The following PTCH2 variants were observed in gnomAD, a reference collection of about 807,000 sequenced individuals.
The protein encoded by PTCH2 is protein patched homolog 2.
A neutral mutation model predicts 117.9 loss-of-function variants in PTCH2; 96 were observed. That is an observed-to-expected ratio of 0.81 (90% CI 0.69 to 0.96). The LOEUF is 0.96. PTCH2 is among the 50% of genes least tolerant of loss of function. PTCH2 has a pLI of 0.00. For synonymous variants in PTCH2, 615 were observed against 660.9 expected (o/e 0.93, Z 1.06); for missense variants, 1,379 against 1,562.5 (o/e 0.88, Z 1.98).
rs200815526 is a variant in PTCH2, at chr1:44,828,607, G to A, written c.1489C>T (p.Arg497Cys). ...LQERMGECLQRTGTSVVLTSI... is the reference protein window; with the variant it reads ...LQERMGECLQCTGTSVVLTSI... Reference sequence around the variant, plus strand: ...GTGAGTACGACACTGGTGCCCGTGCGCTGCAGACACTCGCCCATGCGCTCC... The same window carrying A: ...GTGAGTACGACACTGGTGCCCGTGCACTGCAGACACTCGCCCATGCGCTCC... Residue 497 changes from arginine (R) to cysteine (C), a missense_variant, in exon 12 of 22, where the codon CGC becomes TGC. Arg to Cys is a radical substitution (Grantham distance 180, BLOSUM62 -3). Transcript: ENST00000372192. 30 of 1,613,368 alleles carry A rather than the reference G, an allele frequency of 1.9e-5. No homozygotes were observed. The highest frequency in any genetic ancestry group is 2.3e-5 in the Non-Finnish European group (27 of 1,179,732).
At chr1:44,837,045 A>C (rs1653721151) in intron 2 of PTCH2, among the ~76,000 whole-genome samples, 1 of 152,252 alleles carries the variant, frequency 6.6e-6, no homozygotes, top group African/African-American at 2.4e-5. Flanking sequence ...GTCTGAGGAC[A>C]AAAGTCCAGA....
At position 44,823,173 on chromosome 1, in the gene PTCH2, G is replaced by A. The variant is rs2148871771; in HGVS notation, c.3258-5C>T. On this transcript the variant is annotated splice_polypyrimidine_tract_variant and splice_region_variant and intron_variant, in intron 20 of 21. Coordinates refer to ENST00000372192, the MANE Select transcript of PTCH2 (RefSeq NM_003738.5). The surrounding 1 kb of genome is among the most constrained non-coding windows in gnomAD (Gnocchi z 5.1). ...GTCAGCGCCGCAAAGAAGTACCTAG[G>A]GGTAGGGTGTGGGGGGAGTCAGCCC... 6.2e-7 allele frequency: 1 copy of A among 1,614,146 alleles called. No individual in the cohort carries two copies. Among genetic ancestry groups the A allele is most frequent in the Non-Finnish European group, 8.5e-7 (1 of 1,180,002 alleles).
Position 44,830,016 on chromosome 1 carries a change from A to G in PTCH2, c.828T>C (p.Ala276=). 6.2e-7 allele frequency: 1 copy of G among 1,614,104 alleles called. No individual in the cohort carries two copies. Among genetic ancestry groups the G allele is most frequent in the Non-Finnish European group, 8.5e-7 (1 of 1,179,996 alleles). The stretch of plus-strand genomic sequence containing the variant: ...CATGGCAGCCCCCACTCAGCTCGTG[A>G]GCCACATTGGGAGCCTGGAGGGGAA... The part of the protein sequence containing the change: ...NHHSRQAPNV[A]HELSGGCHGF... The change falls in exon 7 of 22, where the codon GCT becomes GCC. Residue 276 remains alanine, a synonymous_variant. Transcript: ENST00000372192.
At chr1:44,835,231 AT>A (rs573841151) in intron 2 of PTCH2, among the ~76,000 whole-genome samples, 1 of 151,904 alleles carries the variant, frequency 6.6e-6, no homozygotes, top group Non-Finnish European at 1.5e-5. Flanking sequence ...TAATGTTTGT[AT>A]TTTTTGTAGA....
rs774053843 is a variant in PTCH2 at position 44,831,964 on chromosome 1, A to G, written c.525+11T>C. The G allele has an allele frequency of 1.2e-6, 2 of 1,607,664 alleles. No individual in the cohort carries two copies. Among genetic ancestry groups the G allele is most frequent in the East Asian group, 4.5e-5 (2 of 44,838 alleles). On this transcript the variant is annotated intron_variant, in intron 4 of 21. Transcript: ENST00000372192. The surrounding 1 kb of genome is among the most constrained non-coding windows in gnomAD (Gnocchi z 4.3). Reference sequence around the variant, plus strand: ...AAAAGTTCTGCCTCTACTCCCTCTCAGGACACTTACCCGCTCAATCATTCC... The same window carrying G: ...AAAAGTTCTGCCTCTACTCCCTCTCGGGACACTTACCCGCTCAATCATTCC...
Position 44,830,845 on chromosome 1 carries a change from C to T in PTCH2, c.813+3G>A. On this transcript the variant is annotated splice_donor_region_variant and intron_variant, in intron 6 of 21. Transcript: ENST00000372192. ...TTCCCTGGCAGACCTGGTTGGAACC[C>T]ACCTGCCTGCTGTGATGGTTGGGGG... 1 of 1,544,558 alleles carries T rather than the reference C, an allele frequency of 6.5e-7. No individual in the cohort carries two copies. Among genetic ancestry groups the T allele is most frequent in the Non-Finnish European group, 8.8e-7 (1 of 1,138,726 alleles).
chr1:44,822,436 TC>T lies in PTCH2; in HGVS notation c.3590del (p.Gly1197AspfsTer57), dbSNP rs773730257. ...ATSSGNLSSR[G>X]PGPATG is the part of the protein sequence containing the mutation. ...TCTTTCACCCAGTGGCTGGACCTGG[TC>T]CCCTGGAACTGAGGTTGCCAGAGCT... is the stretch of plus-strand genomic sequence containing the variant. On this transcript the variant is annotated frameshift_variant, in exon 22 of 22. Transcript: ENST00000372192. LOFTEE classifies it high-confidence loss of function. 27 of 1,613,636 alleles carry T rather than the reference TC, an allele frequency of 1.7e-5. No individual in the cohort carries two copies. In the South Asian group the frequency reaches 2.7e-4, roughly 16 times the overall value.
At chr1:44,836,106 T>C (rs1653674926) in intron 2 of PTCH2, among the ~76,000 whole-genome samples, 1 of 152,150 alleles carries the variant, frequency 6.6e-6, no homozygotes, top group Non-Finnish European at 1.5e-5. Context: ...CTGATTTCCG[T>C]GGCCGTCATC....
Position 44,827,354 on chromosome 1 carries a change from G to A in PTCH2, c.2372-45C>T, listed in dbSNP as rs373803652. ...GGTTCTATTAGCTGGTGGCCCCAGG[G>A]CGTTTCTCCCTGCAGCACCCCTCCC... On this transcript the variant is annotated intron_variant, in intron 15 of 21. Transcript: ENST00000372192. The A allele has an allele frequency of 2.1e-4, 345 of 1,613,514 alleles. 1 individual carries two copies. Among genetic ancestry groups the A allele is most frequent in the Non-Finnish European group, 2.9e-4 (338 of 1,179,974 alleles).
Position 44,829,959 on chromosome 1 carries a change from C to T in PTCH2, c.885G>A (p.Glu295=), listed in dbSNP as rs142493414. The change falls in exon 7 of 22, where the codon GAG becomes GAA. Residue 295 remains glutamate, a synonymous_variant. Coordinates refer to ENST00000372192, the MANE Select transcript of PTCH2 (RefSeq NM_003738.5). The part of the protein sequence containing the change: ...GFSHKFMHWQ[E]ELLLGGMARD... ...TGGCCATGCCTCCCAGCAGCAATTC[C>T]TCCTGCCAGTGCATGAATTTGTGGG... 3.1e-6 allele frequency: 5 copies of T among 1,614,040 alleles called. No individual in the cohort carries two copies. The African/African-American group carries it at 6.7e-5, about 22-fold the overall frequency.
Position 44,829,016 on chromosome 1 carries a change from G to A in PTCH2, c.1430C>T (p.Ala477Val). The stretch of plus-strand genomic sequence containing the variant: ...GGTGCCAGGCAGAGCCTCTGTGAAG[G>A]CATGCGCCAGCAGGAATACGTCATC... ...GVDDVFLLAH[A>V]FTEALPGTPL... The change falls in exon 11 of 22, where the codon GCC becomes GTC. Residue 477 changes from alanine to valine, a missense_variant. Physicochemically the swap from Ala to Val is moderately conservative, Grantham distance 64. Coordinates refer to ENST00000372192, the MANE Select transcript of PTCH2 (RefSeq NM_003738.5). 6.4e-7 allele frequency: 1 copy of A among 1,574,100 alleles called. No homozygotes were observed.
At position 44,829,643 on chromosome 1, in the gene PTCH2, G is replaced by A. The variant is rs200855030; in HGVS notation, c.1054C>T (p.Leu352=). 76 of 1,614,230 alleles carry A rather than the reference G, an allele frequency of 4.7e-5. No individual in the cohort carries two copies. The Admixed American group carries it at 1.2e-3, about 27-fold the overall frequency. ...GWSEEQASTV[L]QAWQRRFVQL... ...ACAAAGCGCCGCTGCCAGGCTTGTA[G>A]CACTGTGCTGGCCTGCTCCTCACTC... Residue 352 remains leucine, a synonymous_variant, in exon 8 of 22, where the codon CTA becomes TTA. Coordinates refer to ENST00000372192, the MANE Select transcript of PTCH2 (RefSeq NM_003738.5).
In PTCH2 at chr1:44,827,183, G is replaced by A. The variant is rs2148874951; in HGVS notation, c.2498C>T (p.Pro833Leu). ...TCTCCCAACCTGGCTGAAATCCAGA[G>A]GCTCCTGGGCGTCTCCAGTCTGGAT... ...LLIQTGDAQEPLDFSQLTTRK... is the reference protein window; with the variant it reads ...LLIQTGDAQELLDFSQLTTRK... Residue 833 changes from proline to leucine, a missense_variant, in exon 16 of 22, where the codon CCT (proline) becomes CTT (leucine). Transcript: ENST00000372192. 6.2e-7 allele frequency: 1 copy of A among 1,614,062 alleles called. No homozygotes were observed. Among genetic ancestry groups the A allele is most frequent in the South Asian group, 1.1e-5 (1 of 91,084 alleles).
chr1:44,835,994 G>GATC (rs1653669409), intron 2 of PTCH2, among the ~76,000 whole-genome samples: 1 of 152,186 alleles, frequency 6.6e-6, no homozygotes, highest in Non-Finnish European at 1.5e-5. Flanking sequence ...AGGGCACTAA[G>GATC]AAGGGGACTG....
In PTCH2 at chr1:44,834,173, G is replaced by T. The variant is rs181565820; in HGVS notation, c.266-1832C>A. On this transcript the variant is annotated intron_variant, in intron 2 of 21. Coordinates refer to ENST00000372192, the MANE Select transcript of PTCH2 (RefSeq NM_003738.5). ...TCGCTCTTATTGCCCAGGCTGGAGTGCAATGGTGCAATCTCGGCTCACTGC... is the reference window on the plus strand; with the variant it reads ...TCGCTCTTATTGCCCAGGCTGGAGTTCAATGGTGCAATCTCGGCTCACTGC... Among the ~76,000 whole-genome samples the T allele has an allele frequency of 1.1e-4, 16 of 149,294 alleles. No homozygotes were observed. In the East Asian group the frequency reaches 2.8e-3, roughly 26 times the overall value.
downstream of PTCH2, among the ~76,000 whole-genome samples, chr1:44,821,138 T>A (rs1466390030): frequency 1.3e-5 from 2 of 152,156 alleles, no homozygotes; most frequent in African/African-American, 2.4e-5. Context: ...CCAGGGTCTA[T>A]GTGAACTAGA....
At chr1:44,835,130 G>C (rs780810746) in intron 2 of PTCH2, among the ~76,000 whole-genome samples, 14 of 152,244 alleles carry the variant, frequency 9.2e-5, no homozygotes, top group African/African-American at 1.7e-4. Context: ...GAGTGCAGTG[G>C]TGCAATCACA....
In PTCH2 at chr1:44,827,282, C is replaced by T. The variant is rs767204444; in HGVS notation, c.2399G>A (p.Trp800Ter). ...GTGGCGGGTGATGCGCCCAGAAGCC[C>T]AGTCCTGGTCAAAGGCAGCCTGGAT... ...QGIQAAFDQD[W>*]ASGRITRHSY... is the part of the protein sequence containing the mutation. The change falls in exon 16 of 22, where the codon TGG (tryptophan) becomes TAG (stop). Residue 800 changes from tryptophan to a stop codon, truncating the protein, a stop_gained. Transcript: ENST00000372192. LOFTEE classifies it high-confidence loss of function. 3 of 1,613,858 alleles carry T rather than the reference C, an allele frequency of 1.9e-6. No individual in the cohort carries two copies. The highest frequency in any genetic ancestry group is 2.2e-5 in the South Asian group (2 of 91,090).
Position 44,823,150 on chromosome 1 carries a change from C to A in PTCH2, c.3276G>T (p.Leu1092=). Residue 1092 remains leucine, a synonymous_variant, in exon 21 of 22, where the codon CTG becomes CTT. Coordinates refer to ENST00000372192, the MANE Select transcript of PTCH2 (RefSeq NM_003738.5). The surrounding 1 kb of genome is among the most constrained non-coding windows in gnomAD (Gnocchi z 5.1). The part of the protein sequence containing the change: ...DFIVRYFFAA[L]TVLTLLGLLH... ...GGAGGCCCAGGAGCGTGAGCACTGT[C>A]AGCGCCGCAAAGAAGTACCTAGGGG... 1 of 1,614,108 alleles carries A rather than the reference C, an allele frequency of 6.2e-7. No homozygotes were observed. Among genetic ancestry groups the A allele is most frequent in the Non-Finnish European group, 8.5e-7 (1 of 1,180,000 alleles).
Sources: gnomAD v4.1 joint callset for allele counts (sites outside exome capture counted in the v4.1 genomes callset) on GRCh38, gnomAD v4.1.1 for gene constraint, Gnocchi (gnomAD v3.1) non-coding constraint, MANE v1.5 for transcripts, NCBI Gene and HGNC (gene_info 2026-07-23, HGNC 2026-07-21) for gene names.